The following SENP1 variants were observed in gnomAD, a reference collection of about 807,000 sequenced individuals.
SENP1 encodes the protein sentrin-specific protease 1.
Under a neutral mutation model 93.0 loss-of-function variants are expected in SENP1, and 21 were observed. The observed-to-expected ratio is 0.23, with a 90% CI of 0.16 to 0.33. SENP1 has a LOEUF of 0.33. Among genes scored for constraint, SENP1 ranks in the 10% least tolerant of loss-of-function variants. SENP1 has a pLI of 1.00. For synonymous variants in SENP1, 256 were observed against 259.6 expected, an observed-to-expected ratio of 0.99 and a Z score of 0.13; for missense variants, 591 against 758.7, an observed-to-expected ratio of 0.78 and a Z score of 2.60.
intron 13 of SENP1, among the ~76,000 whole-genome samples, chr12:48,056,406 AATT>A (rs199763999): frequency 0.15 from 16,628 of 111,208 alleles, 2,132 homozygotes; most frequent in East Asian, 0.26. Flanking sequence ...TTACATATAT[AATT>A]ATTTAATATA....
At position 48,098,109 on chromosome 12, in the gene SENP1, C is replaced by G. The variant is rs1282488399; in HGVS notation, c.20G>C (p.Arg7Thr). The G allele has an allele frequency of 6.2e-7, 1 of 1,613,396 alleles. No individual in the cohort carries two copies. Among genetic ancestry groups the G allele is most frequent in the Non-Finnish European group, 8.5e-7 (1 of 1,179,538 alleles). Residue 7 changes from arginine to threonine, a missense_variant, in exon 3 of 18, where the codon AGG (arginine) becomes ACG (threonine). By Grantham distance (71) the Arg-to-Thr change is moderately conservative. Around this residue, in one of 4 missense-constraint regions of SENP1, gnomAD observed 214 missense variants for 243.4 expected, o/e 0.88. Transcript: ENST00000549518. ...CACTTCTCCAGCATCCATCCTCATC[C>G]TATCAGCAATATCATCTGGGGAGAC... MDDIAD[R>T]MRMDAGEVTL...
At chr12:48,050,922 G>A (rs114921129) in intron 13 of SENP1, among the ~76,000 whole-genome samples, 2 of 152,098 alleles carry the variant, frequency 1.3e-5, no homozygotes, top group African/African-American at 2.4e-5. Context: ...CCTTCCATAG[G>A]GGCAGACAGC....
At chr12:48,071,610 C>T (rs1300993646) in intron 9 of SENP1, 57 bp downstream of exon 9, 15 of 1,230,860 alleles carry the variant, frequency 1.2e-5, no homozygotes, top group East Asian at 5.0e-5. Flanking sequence ...AGCGAGACTC[C>T]GTCTCAAAAA....
At chr12:48,061,906 A>C (rs929608094) in intron 13 of SENP1, among the ~76,000 whole-genome samples, 2 of 152,180 alleles carry the variant, frequency 1.3e-5, no homozygotes, top group African/African-American at 4.8e-5. Context: ...ATCATTCTGA[A>C]CTGAGAAGAA....
At chr12:48,053,965 A>G (rs925910164) in intron 13 of SENP1, among the ~76,000 whole-genome samples, 7 of 152,162 alleles carry the variant, frequency 4.6e-5, no homozygotes, top group Non-Finnish European at 1.0e-4. Flanking sequence ...TCAGCTTGCT[A>G]TTTTTCCAAT....
Position 48,098,139 on chromosome 12 carries a change from T to C in SENP1, c.5-15A>G, listed in dbSNP as rs1463323701. On this transcript the variant is annotated splice_polypyrimidine_tract_variant and intron_variant, in intron 2 of 17. Transcript: ENST00000549518. ...AGCAATATCATCTGGGGAGACAGTCTGGATTAGTTCAAGTCACATAATTCT... is the reference window on the plus strand; with the variant it reads ...AGCAATATCATCTGGGGAGACAGTCCGGATTAGTTCAAGTCACATAATTCT... 6.2e-7 allele frequency: 1 copy of C among 1,609,748 alleles called. No individual in the cohort carries two copies. Among genetic ancestry groups the C allele is most frequent in the Admixed American group, 1.7e-5 (1 of 59,686 alleles).
intron 16 of SENP1, 104 bp downstream of exon 16, chr12:48,046,874 G>C (rs1480719824): frequency 8.3e-6 from 6 of 722,718 alleles, no homozygotes; most frequent in Non-Finnish European, 1.4e-5. Flanking sequence ...GCTGAAGTCA[G>C]GCTAGACACG....
intron 4 of SENP1, among the ~76,000 whole-genome samples, chr12:48,090,459 G>C (rs1945145037): frequency 6.6e-6 from 1 of 152,168 alleles, no homozygotes; most frequent in African/African-American, 2.4e-5. Context: ...AAAATGCAAG[G>C]GGAAAAGCAG....
At chr12:48,100,818 A>G (rs899958574) in intron 2 of SENP1, among the ~76,000 whole-genome samples, 1 of 152,226 alleles carries the variant, frequency 6.6e-6, no homozygotes, top group Non-Finnish European at 1.5e-5. Flanking sequence ...CTTGGTAGGT[A>G]CTATTAGGTA....
chr12:48,090,347 C>T (rs755436303), intron 4 of SENP1, among the ~76,000 whole-genome samples: 2 of 152,176 alleles, frequency 1.3e-5, no homozygotes, highest in African/African-American at 2.4e-5. Context: ...TCTGAGGCAT[C>T]GGTCTGTCAA....
At chr12:48,061,070 C>G (rs933496215) in intron 13 of SENP1, among the ~76,000 whole-genome samples, 1 of 152,188 alleles carries the variant, frequency 6.6e-6, no homozygotes, top group Non-Finnish European at 1.5e-5. Flanking sequence ...CTTTTAGGAA[C>G]AGGGTATCCT....
intron 16 of SENP1, 95 bp downstream of exon 16, chr12:48,046,883 C>A: frequency 1.3e-6 from 1 of 782,228 alleles, no homozygotes; most frequent in South Asian, 1.7e-5. Context: ...AGGCTAGACA[C>A]GAACACAGGT....
chr12:48,072,853 T>C (rs960271471), intron 8 of SENP1, among the ~76,000 whole-genome samples: 2 of 152,106 alleles, frequency 1.3e-5, no homozygotes, highest in Non-Finnish European at 2.9e-5. Context: ...ATACTCTCCA[T>C]GGTTTCAAGC....
At chr12:48,098,519 T>C (rs910255071) in intron 2 of SENP1, among the ~76,000 whole-genome samples, 2 of 151,840 alleles carry the variant, frequency 1.3e-5, no homozygotes, top group East Asian at 3.9e-4. Context: ...GGCGGGTACC[T>C]GTAATCCCAG....
At chr12:48,071,907 T>C (rs961800911) in intron 8 of SENP1, among the ~76,000 whole-genome samples, 186 bp from the exon 9 acceptor site, 3 of 152,176 alleles carry the variant, frequency 2.0e-5, no homozygotes, top group Non-Finnish European at 4.4e-5. Context: ...TAGGTCTTAG[T>C]GAAGAATTTG....
rs566644871 is a variant in SENP1 at position 48,091,961 on chromosome 12, G to A, written c.221-3001C>T. Among the ~76,000 whole-genome samples, 33 of 152,214 alleles carry A rather than the reference G, an allele frequency of 2.2e-4. No individual in the cohort carries two copies. The South Asian group carries it at 5.8e-3, about 27-fold the overall frequency. ...CTCCCAAAGTGCTAGGATTACAGGCGTGTAAAGTTTTGCTGTAACAAAGTA... is the reference window on the plus strand; with the variant it reads ...CTCCCAAAGTGCTAGGATTACAGGCATGTAAAGTTTTGCTGTAACAAAGTA... On this transcript the variant is annotated intron_variant, in intron 4 of 17. Coordinates refer to ENST00000549518, the MANE Select transcript of SENP1 (RefSeq NM_001267594.2).
chr12:48,047,993 C>T lies in SENP1; in HGVS notation c.1691+8G>A, dbSNP rs535264919. 6.4e-4 allele frequency: 1,010 copies of T among 1,581,248 alleles called. 15 individuals are homozygous for T. In the South Asian group the frequency reaches 0.011, roughly 17 times the overall value. On this transcript the variant is annotated splice_region_variant and intron_variant, in intron 15 of 17. Coordinates refer to ENST00000549518, the MANE Select transcript of SENP1 (RefSeq NM_001267594.2). ...ATCAAACTCTTCTGTCCTCAACTCC[C>T]TACTTACAAGAGTATTCTGCAGGCT... is the stretch of plus-strand genomic sequence containing the variant.
intron 4 of SENP1, 155 bp from the exon 5 acceptor site, chr12:48,089,115 T>C (rs778539529): frequency 1.9e-6 from 3 of 1,571,588 alleles, no homozygotes; most frequent in East Asian, 2.3e-5. Context: ...CAGTAAAGTC[T>C]GCAGTAGGGG....
In SENP1 at chr12:48,065,137, A is replaced by C; in HGVS notation, c.1203T>G (p.Thr401=). The C allele has an allele frequency of 1.9e-6, 3 of 1,608,306 alleles. No individual in the cohort carries two copies. Among genetic ancestry groups the C allele is most frequent in the Non-Finnish European group, 2.6e-6 (3 of 1,174,816 alleles). ...RVPLEKEIPV[T]VVQETQKKGH... Reference sequence around the variant, plus strand: ...CTTTTTTTTGTGTTTCTTGGACAACAGTAACAGGAATCTCCTTTTCAAGAG... The same window carrying C: ...CTTTTTTTTGTGTTTCTTGGACAACCGTAACAGGAATCTCCTTTTCAAGAG... Residue 401 remains threonine, a synonymous_variant, in exon 12 of 18, where the codon ACT becomes ACG. Coordinates refer to ENST00000549518, the MANE Select transcript of SENP1 (RefSeq NM_001267594.2).
Sources: allele counts gnomAD v4.1 joint callset (sites outside exome capture counted in the v4.1 genomes callset), GRCh38; gene constraint gnomAD v4.1.1; regional missense constraint gnomAD v4.1.1; transcripts MANE v1.5; gene names NCBI Gene and HGNC (gene_info 2026-07-23, HGNC 2026-07-21).